Variants in C8orf34 observed in about 807,000 individuals in gnomAD.
C8orf34 encodes chromosome 8 open reading frame 34.
Under a neutral mutation model 68.3 loss-of-function variants are expected in C8orf34, and 65 were observed. That is an observed-to-expected ratio of 0.95 (90% CI 0.78 to 1.17). C8orf34 has a LOEUF of 1.17. Among genes scored for constraint, C8orf34 ranks in the 50% most tolerant of loss-of-function variants. C8orf34 has a pLI of 0.00. For synonymous variants in C8orf34, 244 were observed against 241.2 expected (o/e 1.01, Z -0.11); for missense variants, 664 against 655.4 (o/e 1.01, Z -0.14).
chr8:68,733,343 G>A (rs978724859), intron 10 of C8orf34, among the ~76,000 whole-genome samples: 1 of 152,138 alleles, frequency 6.6e-6, no homozygotes, highest in Non-Finnish European at 1.5e-5. Flanking sequence ...GGGGAGCCAG[G>A]ATTGTACCTA....
chr8:68,393,822 CT>C (rs1358982030), intron 1 of C8orf34, among the ~76,000 whole-genome samples: 1 of 152,062 alleles, frequency 6.6e-6, no homozygotes, highest in Non-Finnish European at 1.5e-5. Flanking sequence ...CAAATACACT[CT>C]TGCTTCAGTT....
chr8:68,520,617 ATTT>A (rs34335751), intron 5 of C8orf34, among the ~76,000 whole-genome samples: 24,979 of 134,066 alleles, frequency 0.19, 2,659 homozygotes, highest in African/African-American at 0.33. Context: ...CGCCCGGCTA[ATTT>A]TTTTTTTTTT....
intron 5 of C8orf34, among the ~76,000 whole-genome samples, chr8:68,516,580 A>C (rs546386575): frequency 2.0e-5 from 3 of 152,094 alleles, no homozygotes; most frequent in African/African-American, 7.2e-5. Flanking sequence ...GCCATACTGC[A>C]GAAATTGGTA....
At chr8:68,622,268 A>G (rs1348273785) in intron 7 of C8orf34, among the ~76,000 whole-genome samples, 6 of 152,226 alleles carry the variant, frequency 3.9e-5, no homozygotes, top group Non-Finnish European at 1.5e-5. Context: ...ACAGAAGTGA[A>G]GTCCAATCAA....
At chr8:68,457,831 T>C (rs1004931470) in intron 3 of C8orf34, among the ~76,000 whole-genome samples, 8 of 152,294 alleles carry the variant, frequency 5.3e-5, no homozygotes, top group Admixed American at 5.2e-4. Context: ...TAGTTGACAC[T>C]GTTCTTCTAT....
intron 7 of C8orf34, among the ~76,000 whole-genome samples, chr8:68,598,889 G>A (rs992107659): frequency 2.6e-5 from 4 of 152,084 alleles, no homozygotes; most frequent in African/African-American, 4.8e-5. Flanking sequence ...AGGACAAGAT[G>A]TGCTCTATAA....
intron 12 of C8orf34, among the ~76,000 whole-genome samples, chr8:68,805,570 A>T (rs571591695): frequency 6.6e-6 from 1 of 152,192 alleles, no homozygotes; most frequent in Non-Finnish European, 1.5e-5. Flanking sequence ...TGAACTTTTT[A>T]TTATTAGGAG....
chr8:68,563,722 G>C (rs534131906), intron 7 of C8orf34, among the ~76,000 whole-genome samples: 2 of 151,844 alleles, frequency 1.3e-5, no homozygotes, highest in Admixed American at 6.6e-5. Flanking sequence ...TTATGTTGCA[G>C]TGGTACTTAG....
intron 1 of C8orf34, among the ~76,000 whole-genome samples, chr8:68,391,956 G>A (rs1346855746): frequency 6.6e-6 from 1 of 152,090 alleles, no homozygotes; most frequent in Non-Finnish European, 1.5e-5. Context: ...GGACCATTAG[G>A]AAAACCAATG....
At chr8:68,357,928 T>C (rs1345111361) in intron 1 of C8orf34, among the ~76,000 whole-genome samples, 1 of 152,164 alleles carries the variant, frequency 6.6e-6, no homozygotes, top group Non-Finnish European at 1.5e-5. Flanking sequence ...GGCCCTGACA[T>C]AGCCAGACTC....
intron 10 of C8orf34, among the ~76,000 whole-genome samples, chr8:68,734,136 T>G (rs1822060534): frequency 6.6e-6 from 1 of 152,166 alleles, no homozygotes; most frequent in Non-Finnish European, 1.5e-5. Context: ...AAGGGTTTAT[T>G]AGCTAAGGAG....
chr8:68,625,683 G>C (rs1818519857), intron 7 of C8orf34: 2 of 697,696 alleles, frequency 2.9e-6, no homozygotes, highest in East Asian at 5.4e-5. Flanking sequence ...TCCTCCCTGT[G>C]GCACACCACA....
At chr8:68,625,775 T>A (rs1458159466) in intron 7 of C8orf34, 10 of 479,152 alleles carry the variant, frequency 2.1e-5, no homozygotes, top group Non-Finnish European at 3.7e-5. Context: ...TCTTTTGAAT[T>A]TGTCTCCAAA....
At chr8:68,783,350 T>A (rs999947768) in intron 11 of C8orf34, among the ~76,000 whole-genome samples, 2 of 151,708 alleles carry the variant, frequency 1.3e-5, no homozygotes, top group Non-Finnish European at 2.9e-5. Flanking sequence ...AAACCCCGTC[T>A]CTACTAAAAA....
intron 8 of C8orf34, among the ~76,000 whole-genome samples, chr8:68,704,328 G>T (rs1224105369): frequency 6.6e-6 from 1 of 152,042 alleles, no homozygotes; most frequent in Non-Finnish European, 1.5e-5. Context: ...GGGATGGCGT[G>T]GTGGGGAGGG....
chr8:68,776,536 TG>T, intron 11 of C8orf34, 87 bp downstream of exon 11: 1 of 1,070,594 alleles, frequency 9.3e-7, no homozygotes, highest in Non-Finnish European at 1.4e-6. Context: ...TCCATCTACT[TG>T]TAGGGTTTCT....
chr8:68,716,633 A>T (rs1346641937), intron 9 of C8orf34, among the ~76,000 whole-genome samples: 1 of 152,020 alleles, frequency 6.6e-6, no homozygotes, highest in African/African-American at 2.4e-5. Context: ...TGATGAAGAA[A>T]GCTGACAAAA....
At chr8:68,505,445 A>T (rs541531545) in intron 5 of C8orf34, among the ~76,000 whole-genome samples, 2 of 137,908 alleles carry the variant, frequency 1.5e-5, no homozygotes, top group African/African-American at 3.4e-5. Context: ...AGAATGAGCA[A>T]CATGGGCCGG....
chr8:68,797,575 C>A (rs184020978), intron 12 of C8orf34, among the ~76,000 whole-genome samples: 20 of 152,132 alleles, frequency 1.3e-4, no homozygotes, highest in Admixed American at 3.9e-4. Context: ...CTTCACCTAA[C>A]CTCAGGTTAC....
Sources: gnomAD v4.1 joint callset for allele counts (sites outside exome capture counted in the v4.1 genomes callset) on GRCh38, gnomAD v4.1.1 for gene constraint, MANE v1.5 for transcripts, NCBI Gene and HGNC (gene_info 2026-07-23, HGNC 2026-07-21) for gene names.